The following RYR2 variants were observed in gnomAD, a reference collection of about 807,000 sequenced individuals.
RYR2 encodes cardiac muscle ryanodine receptor-calcium release channel.
In RYR2, 227 loss-of-function variants were observed where a neutral mutation model predicts 601.1. The ratio of observed to expected loss-of-function variants is 0.38; its 90% confidence interval spans 0.34 to 0.42. The LOEUF is 0.42. Among genes scored for constraint, RYR2 ranks in the 10% least tolerant of loss-of-function variants. The probability of loss-of-function intolerance (pLI) is 1.00; values close to 1 mark genes in which losing one functional copy is unlikely to be tolerated. For synonymous variants in RYR2, 2,223 were observed against 2,175.1 expected (o/e 1.02, Z -0.61); for missense variants, 4,646 against 6,156.5 (o/e 0.75, Z 8.21).
chr1:237,476,444 A>G (rs1394697383), intron 17 of RYR2, among the ~76,000 whole-genome samples: 1 of 132,024 alleles, frequency 7.6e-6, no homozygotes, highest in African/African-American at 3.0e-5. Flanking sequence ...TGGGAGGTGG[A>G]GGTTGCAGTG....
intron 2 of RYR2, among the ~76,000 whole-genome samples, chr1:237,312,234 A>T (rs1694648704): frequency 6.6e-6 from 1 of 152,222 alleles, no homozygotes; most frequent in African/African-American, 2.4e-5. Flanking sequence ...TGGAAATAAA[A>T]TAACAATCCC....
chr1:237,750,267 G>A (rs1203879852), intron 80 of RYR2, among the ~76,000 whole-genome samples: 4 of 150,964 alleles, frequency 2.6e-5, no homozygotes, highest in African/African-American at 9.7e-5. Flanking sequence ...AGCTGAAGGG[G>A]AAAAAAAAAC....
chr1:237,161,427 T>A (rs1302114530), intron 1 of RYR2, among the ~76,000 whole-genome samples: 2 of 152,212 alleles, frequency 1.3e-5, no homozygotes, highest in African/African-American at 4.8e-5. Context: ...AAATACTTTA[T>A]AGTTATATCA....
chr1:237,628,467 G>A (rs969517556), intron 41 of RYR2, among the ~76,000 whole-genome samples: 1 of 149,584 alleles, frequency 6.7e-6, no homozygotes, highest in Admixed American at 6.7e-5. Flanking sequence ...GAGAATATGC[G>A]GTGTTTGGTT....
chr1:237,521,235 C>T (rs940256449), intron 24 of RYR2, among the ~76,000 whole-genome samples: 2 of 152,122 alleles, frequency 1.3e-5, no homozygotes, highest in African/African-American at 2.4e-5. Context: ...CAAAACCAGA[C>T]AAAGGCACAA....
At chr1:237,382,227 A>T (rs1458644881) in intron 8 of RYR2, among the ~76,000 whole-genome samples, 1 of 152,234 alleles carries the variant, frequency 6.6e-6, no homozygotes, top group Non-Finnish European at 1.5e-5. Flanking sequence ...CTGTGAAAAC[A>T]TTGCCAAATA....
rs749674684 is a variant in RYR2, at chr1:237,413,915, TTTCTC to T, written c.774-3130_774-3126del. On this transcript the variant is annotated intron_variant, in intron 10 of 104. Coordinates refer to ENST00000366574, the MANE Select transcript of RYR2 (RefSeq NM_001035.3). ...AATCATAGACTTGTTAAGAAGTGCT[TTTCTC>T]TTCATTATATTCTAGATAGAGTATA... Among the ~76,000 whole-genome samples the T allele has an allele frequency of 3.3e-5, 5 of 152,188 alleles. No homozygotes were observed. In the South Asian group the frequency reaches 8.3e-4, roughly 25 times the overall value.
At chr1:237,507,360 A>G (rs1665377815) in intron 23 of RYR2, among the ~76,000 whole-genome samples, 1 of 152,192 alleles carries the variant, frequency 6.6e-6, no homozygotes, top group African/African-American at 2.4e-5. Context: ...AACTTAATAC[A>G]ATTTAGATTT....
chr1:237,320,784 A>G (rs926654622), intron 2 of RYR2, among the ~76,000 whole-genome samples: 1 of 152,168 alleles, frequency 6.6e-6, no homozygotes, highest in African/African-American at 2.4e-5. Flanking sequence ...AGACAGGATC[A>G]CAGTATTATT....
At chr1:237,650,158 C>T in intron 50 of RYR2, 61 bp downstream of exon 50, 3 of 1,437,042 alleles carry the variant, frequency 2.1e-6, no homozygotes, top group South Asian at 2.4e-5. Context: ...TACAATGTGG[C>T]CTTTGACAAA....
rs139786653 is a variant in RYR2, at chr1:237,702,743, A to G, written c.9449+684A>G. On this transcript the variant is annotated intron_variant, in intron 66 of 104. Transcript: ENST00000366574. ...ATCATTCAAAAGTTTATTTCAAAGA[A>G]TAAACCCATGAGACTAGCCAACGGA... is the stretch of plus-strand genomic sequence containing the variant. Among the ~76,000 whole-genome samples, 523 of 152,214 alleles carry G rather than the reference A, an allele frequency of 3.4e-3. 6 individuals are homozygous for G. Among genetic ancestry groups the G allele is most frequent in the African/African-American group, 0.012 (494 of 41,566 alleles).
intron 63 of RYR2, among the ~76,000 whole-genome samples, chr1:237,695,785 A>T (rs1365199985): frequency 1.3e-5 from 2 of 152,202 alleles, no homozygotes; most frequent in Non-Finnish European, 2.9e-5. Context: ...TAAAATATTG[A>T]AGACTCTACT....
intron 25 of RYR2, among the ~76,000 whole-genome samples, chr1:237,547,854 T>C (rs1193696420): frequency 1.3e-5 from 2 of 152,246 alleles, no homozygotes; most frequent in South Asian, 2.1e-4. Context: ...AGATTTTAGA[T>C]GGTTATATAG....
intron 23 of RYR2, among the ~76,000 whole-genome samples, chr1:237,508,880 C>T (rs1027160108): frequency 8.0e-5 from 12 of 150,124 alleles, no homozygotes; most frequent in Non-Finnish European, 1.8e-4. Context: ...GTAGCTGGGA[C>T]TACAGGCGCC....
chr1:237,745,299 G>T (rs1001842044), intron 80 of RYR2, among the ~76,000 whole-genome samples: 2 of 152,076 alleles, frequency 1.3e-5, no homozygotes, highest in Non-Finnish European at 2.9e-5. Flanking sequence ...ATAATAATGG[G>T]TATAATAAGA....
rs551823944 is a variant in RYR2, at chr1:237,402,166, A to G, written c.773+13983A>G. ...CTCAACACTTTGGGAAGCCAAGGCA[A>G]GAAGATCACTTGGGCCCAGGAGTTC... is the stretch of plus-strand genomic sequence containing the variant. On this transcript the variant is annotated intron_variant, in intron 10 of 104. Coordinates refer to ENST00000366574, the MANE Select transcript of RYR2 (RefSeq NM_001035.3). 2.0e-5 allele frequency among the ~76,000 whole-genome samples: 3 copies of G among 152,180 alleles called. No homozygotes were observed. In the East Asian group the frequency reaches 5.8e-4, roughly 29 times the overall value.
chr1:237,796,990 G>A (rs1452909790), intron 96 of RYR2, among the ~76,000 whole-genome samples: 1 of 151,946 alleles, frequency 6.6e-6, no homozygotes, highest in Non-Finnish European at 1.5e-5. Flanking sequence ...TCACCATGTT[G>A]GCCAAGCTGT....
In RYR2 at chr1:237,726,211, T is replaced by G. The variant is rs1483135121; in HGVS notation, c.10690-62T>G. On this transcript the variant is annotated intron_variant, in intron 74 of 104. Transcript: ENST00000366574. ...ATTACAATCATTTTTGACTCTTTAC[T>G]GCAAAGGATAATAAATGTAGTTTTA... 65 of 1,108,840 alleles carry G rather than the reference T, an allele frequency of 5.9e-5. No individual in the cohort carries two copies. In the Middle Eastern group the frequency reaches 1.1e-3, roughly 19 times the overall value. 68.7% of individuals were successfully genotyped at this position (1,108,840 alleles called of 1,614,324 possible). A position where few individuals can be genotyped will look rare whatever the true frequency, so the allele number is the denominator to read the frequency against.
rs1658443364 is a variant in RYR2, at chr1:237,792,100, A to T, written c.13564-5A>T. 6.3e-7 allele frequency: 1 copy of T among 1,581,848 alleles called. No individual in the cohort carries two copies. Among genetic ancestry groups the T allele is most frequent in the Non-Finnish European group, 8.6e-7 (1 of 1,162,590 alleles). On this transcript the variant is annotated splice_polypyrimidine_tract_variant and splice_region_variant and intron_variant, in intron 93 of 104. Coordinates refer to ENST00000366574, the MANE Select transcript of RYR2 (RefSeq NM_001035.3). ...ACTGACTCTACTTTAAATGCTTTGA[A>T]TCAGGTCTCCACTTCTTCTGTGGTT...
Sources: allele counts gnomAD v4.1 joint callset (sites outside exome capture counted in the v4.1 genomes callset), GRCh38; gene constraint gnomAD v4.1.1; transcripts MANE v1.5; gene names NCBI Gene and HGNC (gene_info 2026-07-23, HGNC 2026-07-21).